BICRAL: variants seen among roughly 807,000 people sequenced by gnomAD.
BICRAL encodes BICRA like chromatin remodeling complex associated protein.
A neutral mutation model predicts 91.8 loss-of-function variants in BICRAL; 8 were observed. That is an observed-to-expected ratio of 0.09 (90% CI 0.05 to 0.16). The LOEUF (loss-of-function observed/expected upper bound fraction) is 0.16, where lower values mean the gene tolerates loss of function less well. Ranked by LOEUF, BICRAL falls within the 10% of genes least tolerant of loss-of-function variation. The probability of loss-of-function intolerance (pLI) is 1.00; values close to 1 mark genes in which losing one functional copy is unlikely to be tolerated. For synonymous variants in BICRAL, 445 were observed against 491.1 expected (o/e 0.91, Z 1.24); for missense variants, 1,038 against 1,310.9 (o/e 0.79, Z 3.21).
chr6:42,784,793 A>G (rs544365754), intron 1 of BICRAL, among the ~76,000 whole-genome samples: 2 of 152,296 alleles, frequency 1.3e-5, no homozygotes, highest in East Asian at 3.9e-4. Context: ...CTCTTCCACC[A>G]TCATTTGCTA....
rs1363048713 is a variant in BICRAL, at chr6:42,867,803, CA to C, written c.*2361del. 6.6e-6 allele frequency: 1 copy of C among 152,124 alleles called. No homozygotes were observed. The highest frequency in any genetic ancestry group is 2.4e-5 in the African/African-American group (1 of 41,420). The allele number at this position is 152,124 out of a possible 1,614,324, so 9.4% of individuals were successfully genotyped here. On this transcript the variant is annotated 3_prime_UTR_variant, in exon 13 of 13. Transcript: ENST00000314073. ...CTAGCAAATGGAGAGCCTAATTTAC[CA>C]AAATGAAACTTGTAAATTTTTGTGT...
intron 1 of BICRAL, among the ~76,000 whole-genome samples, chr6:42,769,370 C>T (rs73733749): frequency 0.08 from 12,160 of 152,204 alleles, 1,473 homozygotes; most frequent in African/African-American, 0.26. Flanking sequence ...CCAGAGTGAG[C>T]GATCCAGAGA....
intron 1 of BICRAL, among the ~76,000 whole-genome samples, chr6:42,794,026 T>C (rs1763350865): frequency 6.6e-6 from 1 of 151,828 alleles, no homozygotes; most frequent in Admixed American, 6.6e-5. Flanking sequence ...TGTAAAACTA[T>C]GTTACTTGTT....
intron 1 of BICRAL, among the ~76,000 whole-genome samples, chr6:42,771,158 C>T (rs192556325): frequency 2.6e-4 from 40 of 152,314 alleles, no homozygotes; most frequent in African/African-American, 9.1e-4. Context: ...AGCAAATTAG[C>T]ATCACACAAA....
At chr6:42,749,974 G>A (rs552469031) in intron 1 of BICRAL, among the ~76,000 whole-genome samples, 1 of 151,366 alleles carries the variant, frequency 6.6e-6, no homozygotes, top group African/African-American at 2.4e-5. Context: ...CCTGCCTCAG[G>A]CTCCCAAGTA....
chr6:42,779,221 AAAAC>A (rs1452840543), upstream of BICRAL, among the ~76,000 whole-genome samples: 14 of 105,150 alleles, frequency 1.3e-4, no homozygotes, highest in African/African-American at 2.7e-4. Context: ...TGTCTCAAGA[AAAAC>A]ACACACACAC....
At chr6:42,845,564 G>A (rs79727883) in intron 6 of BICRAL, among the ~76,000 whole-genome samples, 3,558 of 151,958 alleles carry the variant, frequency 0.023, 125 homozygotes, top group East Asian at 0.12. Context: ...AAGAATTCAG[G>A]TTCTCTGCTG....
chr6:42,771,312 G>T (rs574323293), intron 1 of BICRAL, among the ~76,000 whole-genome samples: 1 of 152,294 alleles, frequency 6.6e-6, no homozygotes, highest in South Asian at 2.1e-4. Context: ...GGTACAATTC[G>T]CACCGGAACT....
At chr6:42,773,767 G>A (rs1290902119) in intron 1 of BICRAL, among the ~76,000 whole-genome samples, 2 of 152,052 alleles carry the variant, frequency 1.3e-5, no homozygotes, top group Non-Finnish European at 2.9e-5. Context: ...CATCCGCCTC[G>A]GCTTCCCAAA....
chr6:42,806,441 G>C (rs906666505), intron 1 of BICRAL, among the ~76,000 whole-genome samples: 1 of 152,118 alleles, frequency 6.6e-6, no homozygotes, highest in Non-Finnish European at 1.5e-5. Context: ...TTGACCTTCC[G>C]GCTCAAGCAA....
Position 42,829,620 on chromosome 6 carries a change from C to G in BICRAL, c.1287C>G (p.Pro429=), listed in dbSNP as rs376814541. ...TINGQLLQTQ[P]SQLISGQVAS... ...ATGGGCAACTTCTTCAAACTCAACC[C>G]TCTCAGCTCATTTCTGGCCAAGTGG... Residue 429 remains proline (P), a synonymous_variant, in exon 6 of 13, where the codon CCC becomes CCG. Transcript: ENST00000314073. The G allele has an allele frequency of 6.2e-7, 1 of 1,614,228 alleles. No homozygotes were observed. Among genetic ancestry groups the G allele is most frequent in the Non-Finnish European group, 8.5e-7 (1 of 1,180,024 alleles).
At chr6:42,831,388 G>A (rs1199762476) in intron 6 of BICRAL, among the ~76,000 whole-genome samples, 1 of 152,114 alleles carries the variant, frequency 6.6e-6, no homozygotes, top group African/African-American at 2.4e-5. Flanking sequence ...AGAGATCGAG[G>A]CACTCTCATT....
chr6:42,773,330 A>T (rs959263790), intron 1 of BICRAL, among the ~76,000 whole-genome samples: 1 of 151,652 alleles, frequency 6.6e-6, no homozygotes, highest in Admixed American at 6.6e-5. Context: ...CACCCACCTC[A>T]GCCTCCCAAA....
At chr6:42,815,443 C>T (rs549460244) in intron 2 of BICRAL, among the ~76,000 whole-genome samples, 5 of 151,938 alleles carry the variant, frequency 3.3e-5, no homozygotes, top group Non-Finnish European at 5.9e-5. Flanking sequence ...CCGCCCATCT[C>T]GGCCTCCCAA....
chr6:42,856,038 A>T (rs1272160263), intron 9 of BICRAL, 121 bp downstream of exon 9: 1 of 828,974 alleles, frequency 1.2e-6, no homozygotes, highest in Non-Finnish European at 2.0e-6. Context: ...TTAAAAATGT[A>T]CTTTGAGGCA....
chr6:42,864,046 A>G (rs1288990268), intron 12 of BICRAL, among the ~76,000 whole-genome samples: 1 of 152,140 alleles, frequency 6.6e-6, no homozygotes, highest in Non-Finnish European at 1.5e-5. Context: ...AGATGCCTGT[A>G]ATCCCAGCTA....
At chr6:42,766,299 G>T (rs535252734) in intron 1 of BICRAL, among the ~76,000 whole-genome samples, 2 of 152,356 alleles carry the variant, frequency 1.3e-5, no homozygotes, top group East Asian at 3.9e-4. Flanking sequence ...AGAGAGAGAT[G>T]AAGAGTTGGA....
rs1373645700 is a variant in BICRAL at position 42,829,532 on chromosome 6, A to C, written c.1199A>C (p.Gln400Pro). ...PMGQPHAPQS[Q>P]FLIPTSLSVS... ...GGCCAACCTCACGCACCCCAAAGTC[A>C]GTTCCTTATACCTACAAGCCTTTCT... Residue 400 changes from glutamine to proline, a missense_variant, in exon 6 of 13, where the codon CAG (glutamine) becomes CCG (proline). Coordinates refer to ENST00000314073, the MANE Select transcript of BICRAL (RefSeq NM_001393499.1). 1 of 1,614,086 alleles carries C rather than the reference A, an allele frequency of 6.2e-7. No individual in the cohort carries two copies. The highest frequency in any genetic ancestry group is 1.7e-5 in the Admixed American group (1 of 60,002).
intron 11 of BICRAL, among the ~76,000 whole-genome samples, chr6:42,860,943 A>C (rs1481227876): frequency 6.6e-6 from 1 of 152,014 alleles, no homozygotes; most frequent in Non-Finnish European, 1.5e-5. Flanking sequence ...CCTGACCAAC[A>C]TGGAGAAACC....
Sources: gnomAD v4.1 joint callset for allele counts (sites outside exome capture counted in the v4.1 genomes callset) on GRCh38, gnomAD v4.1.1 for gene constraint, MANE v1.5 for transcripts, NCBI Gene and HGNC (gene_info 2026-07-23, HGNC 2026-07-21) for gene names.